ADARB1: variants seen among roughly 807,000 people sequenced by gnomAD.
ADARB1 encodes adenosine deaminase RNA specific B1, also known as double-stranded RNA-specific editase 1.
Under a neutral mutation model 52.4 loss-of-function variants are expected in ADARB1, and 10 were observed. The ratio of observed to expected loss-of-function variants is 0.19; its 90% CI spans 0.12 to 0.32. The LOEUF is 0.32. ADARB1 is among the 10% of genes least tolerant of loss of function. The pLI is 1.00. For synonymous variants in ADARB1, 349 were observed against 371.1 expected, an observed-to-expected ratio of 0.94 and a Z score of 0.68; for missense variants, 643 against 922.3, an observed-to-expected ratio of 0.70 and a Z score of 3.92.
chr21:45,175,975 G>C lies in ADARB1; in HGVS notation c.274G>C (p.Gly92Arg). The C allele has an allele frequency of 6.2e-7, 1 of 1,613,364 alleles. No individual in the cohort carries two copies. The highest frequency in any genetic ancestry group is 8.5e-7 in the Non-Finnish European group (1 of 1,179,718). The stretch of plus-strand genomic sequence containing the variant: ...GATGCAGCTGAATGAGATCAAGCCT[G>C]GTTTGCAGTACACACTCCTGTCCCA... ...ALMQLNEIKP[G>R]LQYTLLSQTG... Residue 92 changes from glycine to arginine, a missense_variant, in exon 4 of 11, where the codon GGT becomes CGT. By Grantham distance (125) the Gly-to-Arg change is moderately radical. Transcript: ENST00000348831.
chr21:45,080,783 C>G lies in ADARB1; in HGVS notation c.-220+5990C>G, dbSNP rs113502424. ...GGTGCCTGATTTGTGCTTGATTTGC[C>G]TAGCTGGGAATTTCAGTTTTGCATT... On this transcript the variant is annotated intron_variant, in intron 1 of 10. Transcript: ENST00000348831. 5.8e-3 allele frequency among the ~76,000 whole-genome samples: 879 copies of G among 152,296 alleles called. 14 individuals are homozygous for G. The highest frequency in any genetic ancestry group is 0.02 in the African/African-American group (830 of 41,554).
At chr21:45,086,568 T>C (rs138769771) in intron 1 of ADARB1, among the ~76,000 whole-genome samples, 29 of 152,354 alleles carry the variant, frequency 1.9e-4, no homozygotes, top group South Asian at 1.4e-3. Flanking sequence ...AGATATTTCA[T>C]GGGAAGCAGC....
chr21:45,145,986 G>A (rs1242895445), intron 2 of ADARB1: 1 of 152,218 alleles, frequency 6.6e-6, no homozygotes, highest in African/African-American at 2.4e-5. Context: ...CTCCTCACTA[G>A]GAGCCTTTAC....
intron 2 of ADARB1, among the ~76,000 whole-genome samples, chr21:45,140,937 C>T (rs890358271): frequency 4.6e-5 from 7 of 152,076 alleles, no homozygotes; most frequent in African/African-American, 1.7e-4. Context: ...AGCCTATAAT[C>T]CTAGAACTTT....
At chr21:45,119,491 G>A (rs1438188388) in intron 1 of ADARB1, among the ~76,000 whole-genome samples, 5 of 152,148 alleles carry the variant, frequency 3.3e-5, no homozygotes, top group African/African-American at 7.2e-5. Flanking sequence ...TCAAAGAATC[G>A]GGATGAAATT....
chr21:45,129,235 A>G (rs1309500594), intron 2 of ADARB1, among the ~76,000 whole-genome samples: 1 of 152,196 alleles, frequency 6.6e-6, no homozygotes, highest in Non-Finnish European at 1.5e-5. Flanking sequence ...TCTCAAAAAA[A>G]AAAAGAAGAA....
chr21:45,221,041 GC>G lies in ADARB1; in HGVS notation c.1926+29del. 1.9e-6 allele frequency: 3 copies of G among 1,580,008 alleles called. No homozygotes were observed. The highest frequency in any genetic ancestry group is 2.6e-6 in the Non-Finnish European group (3 of 1,160,538). On this transcript the variant is annotated intron_variant, in intron 10 of 10. Coordinates refer to ENST00000348831, the MANE Select transcript of ADARB1 (RefSeq NM_001112.4). The surrounding 1 kb of genome is among the most constrained non-coding windows in gnomAD (Gnocchi z 4.9). The stretch of plus-strand genomic sequence containing the variant: ...TACTGAGGCGCCCTCACCGCAATGC[GC>G]CGGCTCCACCTCCCCAATAGCTTGT...
chr21:45,076,576 A>C (rs1280021763), intron 1 of ADARB1, among the ~76,000 whole-genome samples: 1 of 152,194 alleles, frequency 6.6e-6, no homozygotes, highest in Non-Finnish European at 1.5e-5. Flanking sequence ...AATTGATGAC[A>C]CATGTGTCTC....
intron 2 of ADARB1, among the ~76,000 whole-genome samples, chr21:45,140,842 T>C (rs2089682965): frequency 6.6e-6 from 1 of 152,210 alleles, no homozygotes; most frequent in Admixed American, 6.5e-5. Context: ...AAATTAAGTC[T>C]GCGGAAGGGG....
chr21:45,203,844 C>T (rs1014816679), intron 8 of ADARB1, among the ~76,000 whole-genome samples: 1 of 152,136 alleles, frequency 6.6e-6, no homozygotes, highest in Non-Finnish European at 1.5e-5. Flanking sequence ...TCTCAAGACC[C>T]CCAGTAGACT....
At chr21:45,147,669 C>T (rs2090072905) in intron 2 of ADARB1, among the ~76,000 whole-genome samples, 1 of 152,232 alleles carries the variant, frequency 6.6e-6, no homozygotes, top group Non-Finnish European at 1.5e-5. Flanking sequence ...GAAGGAGGGG[C>T]TCCTGCAGCC....
chr21:45,126,288 C>G (rs1316184375), intron 1 of ADARB1, among the ~76,000 whole-genome samples: 1 of 152,128 alleles, frequency 6.6e-6, no homozygotes, highest in Non-Finnish European at 1.5e-5. Context: ...ATGTGTGATG[C>G]ACTGTTAGGA....
rs973297493 is a variant in ADARB1, at chr21:45,197,293, AG to A, written c.1566-7261del. Among the ~76,000 whole-genome samples, 110 of 152,270 alleles carry A rather than the reference AG, an allele frequency of 7.2e-4. No homozygotes were observed. The Middle Eastern group carries it at 0.014, about 19-fold the overall frequency. ...GAGGCGGGTGGATCACAAGGTCAGG[AG>A]TTCAAAACCAGCCTGGCCAGTATGG... is the stretch of plus-strand genomic sequence containing the variant. On this transcript the variant is annotated intron_variant, in intron 8 of 10. Coordinates refer to ENST00000348831, the MANE Select transcript of ADARB1 (RefSeq NM_001112.4).
intron 2 of ADARB1, among the ~76,000 whole-genome samples, chr21:45,137,875 AG>A (rs1261300168): frequency 6.6e-6 from 1 of 151,636 alleles, no homozygotes; most frequent in African/African-American, 2.4e-5. Context: ...CCCAGGCAGG[AG>A]GGGCTCTGGA....
intron 1 of ADARB1, among the ~76,000 whole-genome samples, chr21:45,124,779 G>GTT (rs2088463378): frequency 8.1e-6 from 1 of 123,366 alleles, no homozygotes; most frequent in Non-Finnish European, 1.8e-5. Flanking sequence ...GTGTGTGTGT[G>GTT]TGTGTGTATG....
intron 1 of ADARB1, among the ~76,000 whole-genome samples, chr21:45,088,143 G>A (rs532911683): frequency 1.2e-4 from 19 of 152,302 alleles, no homozygotes; most frequent in African/African-American, 3.6e-4. Flanking sequence ...ATAGGTGTAC[G>A]CGTTACATGC....
At chr21:45,122,531 G>C (rs371497203) in intron 1 of ADARB1, among the ~76,000 whole-genome samples, 4 of 152,334 alleles carry the variant, frequency 2.6e-5, no homozygotes, top group African/African-American at 9.6e-5. Context: ...TTCAGAAGAG[G>C]ATTTCCTGCG....
intron 1 of ADARB1, among the ~76,000 whole-genome samples, chr21:45,087,079 C>T (rs540068379): frequency 1.1e-4 from 17 of 152,302 alleles, no homozygotes; most frequent in East Asian, 3.9e-4. Flanking sequence ...GAGTTCTTAC[C>T]GGGTGTTTGA....
rs139203173 is a variant in ADARB1, at chr21:45,204,561, C to T, written c.1572C>T (p.Asn524=). Residue 524 remains asparagine (N), a synonymous_variant, in exon 9 of 11, where the codon AAC becomes AAT. Transcript: ENST00000348831. The surrounding 1 kb of genome is among the most constrained non-coding windows in gnomAD (Gnocchi z 4.4). ...MSCSDKIARW[N]VVGIQGSLLS... is the part of the protein sequence containing the mutation. ...TGCTTTCTTCTCCCTCCAGCTGGAA[C>T]GTGGTGGGCATCCAGGGATCCCTGC... 1.7e-5 allele frequency: 27 copies of T among 1,613,862 alleles called. No individual in the cohort carries two copies. Among genetic ancestry groups the T allele is most frequent in the South Asian group, 3.3e-5 (3 of 91,064 alleles).
Sources: allele counts gnomAD v4.1 joint callset (sites outside exome capture counted in the v4.1 genomes callset), GRCh38; gene constraint gnomAD v4.1.1; non-coding constraint Gnocchi (gnomAD v3.1); transcripts MANE v1.5; gene names NCBI Gene and HGNC (gene_info 2026-07-23, HGNC 2026-07-21).